Variants in USP36 observed in about 807,000 individuals in gnomAD.
USP36 encodes ubiquitin carboxyl-terminal hydrolase 36.
USP36 carries 59 observed loss-of-function variants against 111.5 expected under a neutral mutation model. That is an observed-to-expected ratio of 0.53 (90% CI 0.43 to 0.66). USP36 has a LOEUF of 0.66. Ranked by LOEUF, USP36 falls within the 30% of genes least tolerant of loss-of-function variation. The pLI is 0.00. For synonymous variants in USP36, 628 were observed against 581.0 expected, an observed-to-expected ratio of 1.08 and a Z score of -1.16; for missense variants, 1,488 against 1,468.0, an observed-to-expected ratio of 1.01 and a Z score of -0.22.
intron 13 of USP36, among the ~76,000 whole-genome samples, chr17:78,811,901 C>T (rs956783421): frequency 7.2e-5 from 11 of 151,910 alleles, no homozygotes; most frequent in African/African-American, 1.7e-4. Context: ...TTTTCCTACA[C>T]GCTTACGGTT....
rs142887697 is a variant in USP36 at position 78,789,109 on chromosome 17, A to C, written c.*21-1451T>G. On this transcript the variant is annotated intron_variant, in intron 3 of 3. Coordinates refer to the USP36 transcript ENST00000588130. ...CAACTTGGGAGGCTGAGGCAGAAGA[A>C]TCACTTGAACCTGGGAGGCAGAGGT... 1.1e-3 allele frequency among the ~76,000 whole-genome samples: 173 copies of C among 150,746 alleles called. 3 individuals are homozygous for C. The East Asian group carries it at 0.028, about 25-fold the overall frequency.
At chr17:78,790,298 CTTTT>C (rs201824672) in intron 3 of USP36, among the ~76,000 whole-genome samples, 4 of 149,824 alleles carry the variant, frequency 2.7e-5, no homozygotes, top group Non-Finnish European at 5.9e-5. Flanking sequence ...TTTTCTTTTT[CTTTT>C]TTTTTAAAGA....
Position 78,807,335 on chromosome 17 carries a change from C to G in USP36, c.1709G>C (p.Gly570Ala). 1.2e-6 allele frequency: 2 copies of G among 1,614,232 alleles called. No individual in the cohort carries two copies. The highest frequency in any genetic ancestry group is 1.7e-6 in the Non-Finnish European group (2 of 1,180,042). Residue 570 changes from glycine (G) to alanine (A), a missense_variant, in exon 14 of 21, where the codon GGC becomes GCC. By Grantham distance (60) the Gly-to-Ala change is moderately conservative. Around this residue, in one of 3 missense-constraint regions of USP36, gnomAD observed 1,073 missense variants for 994.1 expected, o/e 1.08. Transcript: ENST00000449938. ...NSSRSGSQRQ[G>A]SWDSRDVVLS... is the part of the protein sequence containing the mutation. ...GACAACATCCCTGCTGTCCCAGGAG[C>G]CCTGCCTTTGGCTCCCAGATCTGCT... is the stretch of plus-strand genomic sequence containing the variant.
At chr17:78,802,231 C>A (rs995449766) in intron 17 of USP36, 93 bp downstream of exon 17, 71 of 1,399,880 alleles carry the variant, frequency 5.1e-5, no homozygotes, top group Middle Eastern at 2.6e-4. Flanking sequence ...CATGCGGTCC[C>A]CCAACCCCTC....
chr17:78,834,066 G>GT (rs1246602789), intron 4 of USP36, among the ~76,000 whole-genome samples: 3 of 152,036 alleles, frequency 2.0e-5, no homozygotes, highest in African/African-American at 7.2e-5. Context: ...GACCAACATG[G>GT]TAAAACCCCA....
At chr17:78,792,487 G>A (rs1383525561), downstream of USP36, among the ~76,000 whole-genome samples, 5 of 152,128 alleles carry the variant, frequency 3.3e-5, no homozygotes, top group Non-Finnish European at 1.5e-5. Context: ...CCTCTGGGAG[G>A]CATCAGATCA....
intron 15 of USP36, among the ~76,000 whole-genome samples, chr17:78,805,670 T>C (rs9901315): frequency 0.012 from 1,896 of 152,330 alleles, 45 homozygotes; most frequent in African/African-American, 0.043. Context: ...GCTGCATCTC[T>C]GGCAGGTGTC....
intron 14 of USP36, among the ~76,000 whole-genome samples, 167 bp from the exon 15 acceptor site, chr17:78,806,453 TAGA>T (rs758640017): frequency 3.3e-5 from 5 of 152,036 alleles, no homozygotes; most frequent in East Asian, 1.9e-4. Flanking sequence ...AGGGGAATGG[TAGA>T]AGAAGAACCA....
At position 78,838,636 on chromosome 17, in the gene USP36, G is replaced by A. The variant is rs1230012427; in HGVS notation, c.-59C>T. The stretch of plus-strand genomic sequence containing the variant: ...CTGTCCTACTGCGGCATGGAACCAG[G>A]ATCTTAACGGAGGGCTGAGTTTGGT... On this transcript the variant is annotated 5_prime_UTR_variant, in exon 2 of 21. Coordinates refer to ENST00000449938, the MANE Select transcript of USP36 (RefSeq NM_001385174.1). 4 of 152,248 alleles carry A rather than the reference G, an allele frequency of 2.6e-5. No individual in the cohort carries two copies. 9.4% of individuals were successfully genotyped at this position (152,248 alleles called of 1,614,324 possible).
upstream of USP36, chr17:78,841,265 C>T (rs1167139146): frequency 6.6e-6 from 1 of 152,358 alleles, no homozygotes; most frequent in East Asian, 1.9e-4. Flanking sequence ...CCCCACCTGC[C>T]CCTGGCCGTC....
At chr17:78,815,848 CATATGCAT>C (rs1464678662) in intron 10 of USP36, among the ~76,000 whole-genome samples, 1 of 135,406 alleles carries the variant, frequency 7.4e-6, no homozygotes, top group Non-Finnish European at 1.5e-5. Flanking sequence ...TACACACACA[CATATGCAT>C]GCATACACAT....
At chr17:78,826,590 T>G (rs1358409097) in intron 6 of USP36, 1 of 156,128 alleles carries the variant, frequency 6.4e-6, no homozygotes, top group African/African-American at 2.4e-5. Flanking sequence ...CTATTTAAAG[T>G]ATTTCTACGA....
rs2093811958 is a variant in USP36 at position 78,803,630 on chromosome 17, T to C, written c.2565A>G (p.Thr855=). 5 of 1,611,594 alleles carry C rather than the reference T, an allele frequency of 3.1e-6. No individual in the cohort carries two copies. The highest frequency in any genetic ancestry group is 1.7e-4 in the Middle Eastern group (1 of 5,964). Residue 855 remains threonine, a synonymous_variant, in exon 16 of 21, where the codon ACA becomes ACG. Coordinates refer to ENST00000449938, the MANE Select transcript of USP36 (RefSeq NM_001385174.1). The surrounding 1 kb of genome is among the most constrained non-coding windows in gnomAD (Gnocchi z 4.6). ...GCCCCTCCTGCAGGGCGCTGGCAGC[T>C]GTGTCCTCCGGGCGCTTCTTCTTCT... is the stretch of plus-strand genomic sequence containing the variant. The part of the protein sequence containing the change: ...KRKKKKRPED[T]AASALQEGQT...
intron 3 of USP36, among the ~76,000 whole-genome samples, chr17:78,789,621 T>C (rs1598946200): frequency 6.6e-6 from 1 of 152,184 alleles, no homozygotes; most frequent in Non-Finnish European, 1.5e-5. Flanking sequence ...CAGATTTTAT[T>C]TTGCTAAAGC....
intron 6 of USP36, among the ~76,000 whole-genome samples, chr17:78,825,511 C>G (rs968207730): frequency 1.4e-4 from 22 of 152,174 alleles, no homozygotes; most frequent in African/African-American, 5.3e-4. Flanking sequence ...GCCTGGCCAC[C>G]TGACACCTGG....
chr17:78,792,774 A>G (rs867038813), downstream of USP36, among the ~76,000 whole-genome samples: 4 of 152,142 alleles, frequency 2.6e-5, no homozygotes, highest in Middle Eastern at 6.8e-3. Flanking sequence ...GCTGGAGTGC[A>G]GTGGCATGAT....
chr17:78,814,488 A>G lies in USP36; in HGVS notation c.1088T>C (p.Val363Ala). 2 of 1,614,222 alleles carry G rather than the reference A, an allele frequency of 1.2e-6. No homozygotes were observed. The highest frequency in any genetic ancestry group is 1.7e-6 in the Non-Finnish European group (2 of 1,180,030). The change falls in exon 11 of 21, where the codon GTC becomes GCC. Residue 363 changes from valine to alanine, a missense_variant. Val to Ala is a moderately conservative substitution (Grantham distance 64). Transcript: ENST00000449938. Reference sequence around the variant, plus strand: ...CAGGACAGCATAGAGTCCATACATGACAGGATCACCATTATTCTGGGACAT... The same window carrying G: ...CAGGACAGCATAGAGTCCATACATGGCAGGATCACCATTATTCTGGGACAT... ...PYMSQNNGDP[V>A]MYGLYAVLVH... is the part of the protein sequence containing the mutation.
At chr17:78,802,950 CT>C (rs200647406) in intron 16 of USP36, among the ~76,000 whole-genome samples, 3 of 150,738 alleles carry the variant, frequency 2.0e-5, no homozygotes, top group African/African-American at 4.9e-5. Context: ...TTTCTTTTTT[CT>C]TTTTTTTTAG....
chr17:78,791,915 A>G (rs1044144892), downstream of USP36: 1 of 152,250 alleles, frequency 6.6e-6, no homozygotes, highest in African/African-American at 2.4e-5. Context: ...CACCTCTTTC[A>G]GTGTCTACAG....
Sources: allele counts gnomAD v4.1 joint callset (sites outside exome capture counted in the v4.1 genomes callset), GRCh38; gene constraint gnomAD v4.1.1; regional missense constraint gnomAD v4.1.1; non-coding constraint Gnocchi (gnomAD v3.1); transcripts MANE v1.5; gene names NCBI Gene and HGNC (gene_info 2026-07-23, HGNC 2026-07-21).